Variants in RASSF8 observed in about 807,000 individuals in gnomAD.
RASSF8 encodes the protein ras association domain-containing protein 8.
A neutral mutation model predicts 48.5 loss-of-function variants in RASSF8; 22 were observed. The observed-to-expected ratio is 0.45, with a 90% CI of 0.32 to 0.65. The LOEUF is 0.65. Ranked by LOEUF, RASSF8 falls within the 30% of genes least tolerant of loss-of-function variation. RASSF8 has a pLI of 0.03. For synonymous variants in RASSF8, 127 were observed against 171.5 expected, an observed-to-expected ratio of 0.74 and a Z score of 2.03; for missense variants, 418 against 489.2, an observed-to-expected ratio of 0.85 and a Z score of 1.37.
At chr12:25,994,136 T>C (rs1440955767) in intron 1 of RASSF8, among the ~76,000 whole-genome samples, 5 of 152,176 alleles carry the variant, frequency 3.3e-5, no homozygotes, top group African/African-American at 1.2e-4. Flanking sequence ...TTGCATCAGA[T>C]TTGGGGTCTG....
intron 2 of RASSF8, among the ~76,000 whole-genome samples, chr12:26,016,903 G>C (rs1942664882): frequency 6.6e-6 from 1 of 151,978 alleles, no homozygotes; most frequent in South Asian, 2.1e-4. Context: ...TTCATTTCTA[G>C]TGGTTTGTAA....
At chr12:25,984,421 C>T (rs959597875) in intron 1 of RASSF8, among the ~76,000 whole-genome samples, 11 of 151,970 alleles carry the variant, frequency 7.2e-5, no homozygotes, top group Admixed American at 6.6e-4. Context: ...CGGCTCACTG[C>T]AACCTCTTCC....
intron 2 of RASSF8, among the ~76,000 whole-genome samples, chr12:26,051,658 A>G (rs1943493334): frequency 6.6e-6 from 1 of 152,198 alleles, no homozygotes; most frequent in South Asian, 2.1e-4. Context: ...TGTTTTATGC[A>G]CTGCTGATTA....
At chr12:25,997,795 T>C (rs1193908638) in intron 2 of RASSF8, among the ~76,000 whole-genome samples, 4 of 152,172 alleles carry the variant, frequency 2.6e-5, no homozygotes, top group Non-Finnish European at 2.9e-5. Flanking sequence ...TTCATCATCC[T>C]TTTTTTGGCC....
intron 1 of RASSF8, among the ~76,000 whole-genome samples, chr12:25,993,919 T>C (rs181965860): frequency 1.3e-5 from 2 of 152,334 alleles, no homozygotes; most frequent in Admixed American, 1.3e-4. Context: ...ACTGTAACAC[T>C]ATGTAAAAAA....
At chr12:26,039,306 C>CGG (rs755181149) in intron 2 of RASSF8, among the ~76,000 whole-genome samples, 1 of 152,072 alleles carries the variant, frequency 6.6e-6, no homozygotes, top group Non-Finnish European at 1.5e-5. Flanking sequence ...CCTTGTGAGA[C>CGG]TGGGGGGGAT....
At chr12:26,066,719 C>G (rs1257601303) in intron 4 of RASSF8, among the ~76,000 whole-genome samples, 1 of 152,208 alleles carries the variant, frequency 6.6e-6, no homozygotes, top group East Asian at 1.9e-4. Context: ...ACCCCCTACA[C>G]TCAAATAAGT....
intron 1 of RASSF8, among the ~76,000 whole-genome samples, chr12:25,993,666 G>A (rs1002056375): frequency 1.3e-5 from 2 of 152,140 alleles, no homozygotes; most frequent in Admixed American, 1.3e-4. Context: ...TCCACAGACA[G>A]GCTCTTTTGC....
chr12:26,069,163 C>T lies in RASSF8; in HGVS notation c.*345C>T. On this transcript the variant is annotated 3_prime_UTR_variant, in exon 6 of 6. Coordinates refer to ENST00000689635, the MANE Select transcript of RASSF8 (RefSeq NM_001394098.1). Reference sequence around the variant, plus strand: ...AGAGTGAAGAGAAATTTGTGACTGGCTTAGTTTAATTTATTTCATGTAATC... The same window carrying T: ...AGAGTGAAGAGAAATTTGTGACTGGTTTAGTTTAATTTATTTCATGTAATC... The T allele has an allele frequency of 3.0e-6, 3 of 990,016 alleles. No homozygotes were observed. Among genetic ancestry groups the T allele is most frequent in the Non-Finnish European group, 3.6e-6 (3 of 832,580 alleles). The allele number at this position is 990,016 out of a possible 1,614,324, so 61.3% of individuals were successfully genotyped here.
chr12:25,985,587 G>A (rs1430707201), intron 1 of RASSF8, among the ~76,000 whole-genome samples: 1 of 152,198 alleles, frequency 6.6e-6, no homozygotes, highest in Non-Finnish European at 1.5e-5. Flanking sequence ...TGAGTAAATC[G>A]GCAATTATCG....
chr12:26,015,360 T>C (rs1942623520), intron 2 of RASSF8, among the ~76,000 whole-genome samples: 1 of 152,192 alleles, frequency 6.6e-6, no homozygotes. Flanking sequence ...CACAAAAAAC[T>C]GACAGTAATC....
chr12:25,980,788 T>C (rs1169311011), intron 1 of RASSF8, among the ~76,000 whole-genome samples: 1 of 152,114 alleles, frequency 6.6e-6, no homozygotes, highest in Non-Finnish European at 1.5e-5. Context: ...ATCACTCTAA[T>C]TAAAAAAAAT....
At chr12:26,067,011 T>C (rs926323205) in intron 4 of RASSF8, among the ~76,000 whole-genome samples, 4 of 152,228 alleles carry the variant, frequency 2.6e-5, no homozygotes, top group South Asian at 2.1e-4. Flanking sequence ...CCTCATGCTG[T>C]AAGATAAATC....
At chr12:26,061,155 G>A (rs1943733587) in intron 3 of RASSF8, among the ~76,000 whole-genome samples, 2 of 152,038 alleles carry the variant, frequency 1.3e-5, no homozygotes, top group South Asian at 2.1e-4. Context: ...TGACTGTAAG[G>A]AGAAATTTCC....
Position 26,055,223 on chromosome 12 carries a change from TGCCC to T in RASSF8, c.-108-12_-108-9del. 48 of 722,930 alleles carry T rather than the reference TGCCC, an allele frequency of 6.6e-5. No individual in the cohort carries two copies. Among genetic ancestry groups the T allele is most frequent in the Admixed American group, 4.6e-4 (20 of 43,190 alleles). The allele number at this position is 722,930 out of a possible 1,614,324, so 44.8% of individuals were successfully genotyped here. On this transcript the variant is annotated splice_polypyrimidine_tract_variant and intron_variant, in intron 2 of 5. Coordinates refer to ENST00000689635, the MANE Select transcript of RASSF8 (RefSeq NM_001394098.1). ...ATTCATTTTATTACAAGTGATTTTT[TGCCC>T]TTTTTTAGCTGACTACACAGACTTA...
intron 2 of RASSF8, among the ~76,000 whole-genome samples, chr12:26,031,877 T>C (rs1943037377): frequency 6.6e-6 from 1 of 152,218 alleles, no homozygotes; most frequent in African/African-American, 2.4e-5. Flanking sequence ...CTTCAATGGC[T>C]TAATCTGACC....
chr12:26,059,411 A>G (rs1238481830), intron 3 of RASSF8, among the ~76,000 whole-genome samples: 1 of 152,234 alleles, frequency 6.6e-6, no homozygotes, highest in Non-Finnish European at 1.5e-5. Context: ...AAAATTGATT[A>G]CTTTTCTACA....
intron 1 of RASSF8, among the ~76,000 whole-genome samples, chr12:25,981,240 T>TGG (rs927939572): frequency 6.6e-6 from 1 of 152,082 alleles, no homozygotes; most frequent in African/African-American, 2.4e-5. Flanking sequence ...GGGGTTTTAT[T>TGG]GGGGGCCTAT....
chr12:26,049,221 C>T (rs573001770), intron 2 of RASSF8, among the ~76,000 whole-genome samples: 1 of 152,246 alleles, frequency 6.6e-6, no homozygotes, highest in South Asian at 2.1e-4. Context: ...CAAAACATAA[C>T]TTGGAAGGGA....
Sources: allele counts gnomAD v4.1 joint callset (sites outside exome capture counted in the v4.1 genomes callset), GRCh38; gene constraint gnomAD v4.1.1; transcripts MANE v1.5; gene names NCBI Gene and HGNC (gene_info 2026-07-23, HGNC 2026-07-21).